The following LCP2 variants were observed in gnomAD, a reference collection of about 807,000 sequenced individuals.
LCP2 encodes the protein lymphocyte cytosolic protein 2, also known as 76 kDa tyrosine phosphoprotein.
In LCP2, 29 loss-of-function variants were observed where a neutral mutation model predicts 74.5. The ratio of observed to expected loss-of-function variants is 0.39; its 90% CI spans 0.29 to 0.53. LCP2 has a LOEUF of 0.53. Ranked by LOEUF, LCP2 falls within the 20% of genes least tolerant of loss-of-function variation. LCP2 has a pLI of 0.72. For missense variants in LCP2, 604 were observed against 634.6 expected (o/e 0.95, Z 0.52); for synonymous variants, 228 against 229.5 (o/e 0.99, Z 0.06).
At chr5:170,284,455 T>A (rs1281905676) in intron 3 of LCP2, among the ~76,000 whole-genome samples, 1 of 92,152 alleles carries the variant, frequency 1.1e-5, no homozygotes, top group Admixed American at 9.7e-5. Flanking sequence ...ATGTAATATG[T>A]CTTTTTTTTT....
rs1214353257 is a variant in LCP2, at chr5:170,247,961, C to A, written c.*736G>T. 1 of 152,144 alleles carries A rather than the reference C, an allele frequency of 6.6e-6. No homozygotes were observed. Among genetic ancestry groups the A allele is most frequent in the Non-Finnish European group, 1.5e-5 (1 of 68,034 alleles). 9.4% of individuals were successfully genotyped at this position (152,144 alleles called of 1,614,324 possible). A position where few individuals can be genotyped will look rare whatever the true frequency, so the allele number is the denominator to read the frequency against. On this transcript the variant is annotated 3_prime_UTR_variant, in exon 21 of 21. Transcript: ENST00000046794. The stretch of plus-strand genomic sequence containing the variant: ...CATTAAACCTAGACCCACGATACAC[C>A]AAAGTCTCATCCCTAAATTTAAAAT...
intron 15 of LCP2, chr5:170,258,645 T>C (rs1761602222): frequency 4.2e-6 from 2 of 473,396 alleles, no homozygotes; most frequent in East Asian, 6.2e-5. Context: ...TTAAATAATC[T>C]GCACTGTTAC....
At chr5:170,281,548 G>A (rs566897744) in intron 3 of LCP2, among the ~76,000 whole-genome samples, 13 of 152,344 alleles carry the variant, frequency 8.5e-5, no homozygotes, top group Admixed American at 7.2e-4. Context: ...CCAAAGTGCT[G>A]GGATTACAGG....
intron 17 of LCP2, among the ~76,000 whole-genome samples, 172 bp from the exon 18 acceptor site, chr5:170,253,385 C>CA (rs1399726673): frequency 6.6e-6 from 1 of 152,082 alleles, no homozygotes; most frequent in Non-Finnish European, 1.5e-5. Flanking sequence ...TGTTTGAAAC[C>CA]ATGGGGGCTG....
chr5:170,262,990 T>C lies in LCP2; in HGVS notation c.775A>G (p.Lys259Glu), dbSNP rs1306265865. The C allele has an allele frequency of 5.0e-6, 8 of 1,613,912 alleles. No individual in the cohort carries two copies. The East Asian group carries it at 1.6e-4, about 31-fold the overall frequency. The change falls in exon 11 of 21, where the codon AAG (lysine) becomes GAG (glutamate). Residue 259 changes from lysine to glutamate, a missense_variant and splice_region_variant. Lys to Glu is a moderately conservative substitution (Grantham distance 56). Coordinates refer to ENST00000046794, the MANE Select transcript of LCP2 (RefSeq NM_005565.5). ...PFDREPFTLGKKPPFSDKPSI... is the reference protein window; with the variant it reads ...PFDREPFTLGEKPPFSDKPSI... Reference sequence around the variant, plus strand: ...ACCTTGTCAGAAAATGGTGGTTTCTTTCCTGTAAATGACAGAGAGCAGATG... The same window carrying C: ...ACCTTGTCAGAAAATGGTGGTTTCTCTCCTGTAAATGACAGAGAGCAGATG...
At chr5:170,258,620 C>T in intron 15 of LCP2, 1 of 427,508 alleles carries the variant, frequency 2.3e-6, no homozygotes, top group Non-Finnish European at 4.2e-6. Context: ...TGCAATTTTA[C>T]ATTTTGTGAT....
chr5:170,276,175 TC>T (rs1348830155), intron 3 of LCP2, among the ~76,000 whole-genome samples: 1 of 152,180 alleles, frequency 6.6e-6, no homozygotes, highest in Non-Finnish European at 1.5e-5. Context: ...TGGCTTTCCC[TC>T]CAAAAATCAG....
At chr5:170,296,064 G>A (rs528904420) in intron 1 of LCP2, among the ~76,000 whole-genome samples, 17 of 152,206 alleles carry the variant, frequency 1.1e-4, no homozygotes, top group South Asian at 2.1e-4. Flanking sequence ...CTCTCAGCCC[G>A]TCCCAAGTCT....
chr5:170,279,948 C>A (rs953012544), intron 3 of LCP2, among the ~76,000 whole-genome samples: 2 of 148,082 alleles, frequency 1.4e-5, no homozygotes, highest in African/African-American at 2.5e-5. Context: ...GGCTGCCAGG[C>A]AGGTGGAAAA....
At chr5:170,265,632 C>T (rs543979089) in intron 10 of LCP2, among the ~76,000 whole-genome samples, 1 of 152,278 alleles carries the variant, frequency 6.6e-6, no homozygotes, top group African/African-American at 2.4e-5. Flanking sequence ...GCAGACAATT[C>T]CAAGCCAAAC....
intron 2 of LCP2, among the ~76,000 whole-genome samples, chr5:170,288,483 A>C (rs141809663): frequency 1.2e-4 from 18 of 152,196 alleles, no homozygotes; most frequent in Non-Finnish European, 2.1e-4. Context: ...CATCCCAGAG[A>C]ACCTCTTTCA....
chr5:170,292,723 G>A (rs1307658142), intron 2 of LCP2, among the ~76,000 whole-genome samples: 1 of 152,128 alleles, frequency 6.6e-6, no homozygotes, highest in Non-Finnish European at 1.5e-5. Context: ...CCACCTCCCC[G>A]ACCACAACCT....
chr5:170,249,394 A>C (rs1379004574), intron 20 of LCP2, among the ~76,000 whole-genome samples: 4 of 149,976 alleles, frequency 2.7e-5, no homozygotes, highest in South Asian at 2.1e-4. Flanking sequence ...ACATATCTAT[A>C]TATATATATA....
At chr5:170,260,977 C>G (rs868722145) in intron 14 of LCP2, 130 bp downstream of exon 14, 3 of 699,770 alleles carry the variant, frequency 4.3e-6, no homozygotes, top group Non-Finnish European at 7.9e-6. Context: ...CCTTAAGAGA[C>G]GAGACCCCTG....
chr5:170,267,640 C>CA, intron 8 of LCP2, among the ~76,000 whole-genome samples: 1 of 151,526 alleles, frequency 6.6e-6, no homozygotes, highest in African/African-American at 2.4e-5. Context: ...CATAACTACT[C>CA]AAATGATCTC....
rs373177863 is a variant in LCP2 at position 170,281,949 on chromosome 5, C to A, written c.188+6021G>T. Among the ~76,000 whole-genome samples the A allele has an allele frequency of 4.5e-4, 69 of 152,322 alleles. No individual in the cohort carries two copies. The South Asian group carries it at 0.013, about 29-fold the overall frequency. On this transcript the variant is annotated intron_variant, in intron 3 of 20. Coordinates refer to ENST00000046794, the MANE Select transcript of LCP2 (RefSeq NM_005565.5). Reference sequence around the variant, plus strand: ...TCCTTTAATGAACTTCAAATAGGCACCAGCAGATTTGAACGTGTATTCGTG... The same window carrying A: ...TCCTTTAATGAACTTCAAATAGGCAACAGCAGATTTGAACGTGTATTCGTG...
In LCP2 at chr5:170,250,871, C is replaced by T. The variant is rs762494899; in HGVS notation, c.1338G>A (p.Leu446=). ...LRKINQDGTF[L]VRDSSKKTTT... ...TTGTTTTTTTAGAGCTGTCTCTGAC[C>T]AGAAATGTGCCATCCTAAAAAGACA... Residue 446 remains leucine, a synonymous_variant, in exon 20 of 21, where the codon CTG becomes CTA. Transcript: ENST00000046794. 2 of 1,613,332 alleles carry T rather than the reference C, an allele frequency of 1.2e-6. No homozygotes were observed. The highest frequency in any genetic ancestry group is 4.5e-5 in the East Asian group (2 of 44,868).
At chr5:170,289,653 CTTTCTTTCTT>C (rs1348925573) in intron 2 of LCP2, among the ~76,000 whole-genome samples, 10 of 116,442 alleles carry the variant, frequency 8.6e-5, no homozygotes, top group Non-Finnish European at 1.2e-4. Flanking sequence ...TTCTTTCTTT[CTTTCTTTCTT>C]TCTTTCTTTC....
At chr5:170,267,752 C>T (rs1027318231) in intron 8 of LCP2, among the ~76,000 whole-genome samples, 2 of 152,164 alleles carry the variant, frequency 1.3e-5, no homozygotes, top group African/African-American at 2.4e-5. Flanking sequence ...ACGCCTAGAA[C>T]TCTGCTTGGC....
Sources: allele counts gnomAD v4.1 joint callset (sites outside exome capture counted in the v4.1 genomes callset), GRCh38; gene constraint gnomAD v4.1.1; transcripts MANE v1.5; gene names NCBI Gene and HGNC (gene_info 2026-07-23, HGNC 2026-07-21).